Variants in EXOC2 observed in about 807,000 individuals in gnomAD.
EXOC2 encodes exocyst complex component 2.
Under a neutral mutation model 131.8 loss-of-function variants are expected in EXOC2, and 70 were observed. That is an observed-to-expected ratio of 0.53 (90% confidence interval 0.44 to 0.65). EXOC2 has a LOEUF of 0.65. Among genes scored for constraint, EXOC2 ranks in the 30% least tolerant of loss-of-function variants. EXOC2 has a pLI of 0.00. For missense variants in EXOC2, 923 were observed against 1,108.6 expected, an observed-to-expected ratio of 0.83 and a Z score of 2.38; for synonymous variants, 411 against 398.4, an observed-to-expected ratio of 1.03 and a Z score of -0.38.
At chr6:547,947 A>G (rs1449503615) in intron 22 of EXOC2, among the ~76,000 whole-genome samples, 2 of 152,178 alleles carry the variant, frequency 1.3e-5, no homozygotes, top group African/African-American at 4.8e-5. Flanking sequence ...CCTAGAGAAA[A>G]CCAAACTTGC....
chr6:507,558 GA>G (rs1489317121), intron 23 of EXOC2, among the ~76,000 whole-genome samples: 2 of 152,156 alleles, frequency 1.3e-5, no homozygotes, highest in African/African-American at 4.8e-5. Context: ...ATGAGAAAGA[GA>G]GGGCTTTTGC....
At chr6:552,880 C>G (rs59891300) in intron 21 of EXOC2, among the ~76,000 whole-genome samples, 2 of 150,726 alleles carry the variant, frequency 1.3e-5, no homozygotes, top group Admixed American at 6.6e-5. Context: ...ACACACACAC[C>G]CCCCCTTCAA....
intron 7 of EXOC2, 135 bp downstream of exon 7, chr6:609,963 A>G: frequency 3.1e-6 from 2 of 644,544 alleles, no homozygotes; most frequent in South Asian, 2.1e-5. Flanking sequence ...CTTTGTGTTC[A>G]TTAAATCACT....
chr6:555,044 AT>A (rs770839253), intron 20 of EXOC2, among the ~76,000 whole-genome samples, 182 bp downstream of exon 20: 5 of 152,214 alleles, frequency 3.3e-5, no homozygotes, highest in African/African-American at 7.2e-5. Context: ...TAAGGCAAAG[AT>A]GAGTTGAAAA....
chr6:561,272 T>C (rs1230733177), intron 17 of EXOC2, among the ~76,000 whole-genome samples: 2 of 152,158 alleles, frequency 1.3e-5, no homozygotes, highest in Non-Finnish European at 2.9e-5. Flanking sequence ...CTGCCCTTCA[T>C]GCCCCAGGTT....
intron 22 of EXOC2, among the ~76,000 whole-genome samples, chr6:536,530 TC>T (rs1766455476): frequency 6.6e-6 from 1 of 152,130 alleles, no homozygotes; most frequent in African/African-American, 2.4e-5. Context: ...AAAGGCCTTT[TC>T]TTGGTAAAAA....
intron 21 of EXOC2, among the ~76,000 whole-genome samples, chr6:553,351 T>C (rs903631549): frequency 6.6e-6 from 1 of 151,830 alleles, no homozygotes; most frequent in African/African-American, 2.4e-5. Flanking sequence ...TATATACATA[T>C]GTATATATGC....
chr6:650,931 T>G (rs1439686757), intron 1 of EXOC2, among the ~76,000 whole-genome samples: 1 of 152,160 alleles, frequency 6.6e-6, no homozygotes, highest in Non-Finnish European at 1.5e-5. Context: ...AGGAAAAAAT[T>G]TGGAAGAGAT....
intron 23 of EXOC2, among the ~76,000 whole-genome samples, chr6:522,362 C>G (rs948357043): frequency 2.2e-5 from 3 of 134,460 alleles, no homozygotes; most frequent in Non-Finnish European, 4.7e-5. Context: ...CTCAGCCAGG[C>G]CCATGCGGAC....
chr6:509,137 A>G (rs1347756481), intron 23 of EXOC2, among the ~76,000 whole-genome samples: 2 of 152,218 alleles, frequency 1.3e-5, no homozygotes, highest in Non-Finnish European at 2.9e-5. Context: ...TCTTCAGTGC[A>G]TACGTATCTA....
intron 11 of EXOC2, among the ~76,000 whole-genome samples, chr6:583,463 T>C (rs1214870972): frequency 6.6e-6 from 1 of 152,128 alleles, no homozygotes; most frequent in Admixed American, 6.5e-5. Context: ...CATTGTAAGG[T>C]GAATAGAATC....
At chr6:510,695 G>A (rs1034264869) in intron 23 of EXOC2, among the ~76,000 whole-genome samples, 3 of 152,154 alleles carry the variant, frequency 2.0e-5, no homozygotes, top group African/African-American at 7.2e-5. Context: ...AGATGTCACA[G>A]AACTCATTAC....
At chr6:672,777 T>C (rs557360189) in intron 1 of EXOC2, among the ~76,000 whole-genome samples, 1 of 152,216 alleles carries the variant, frequency 6.6e-6, no homozygotes, top group Non-Finnish European at 1.5e-5. Context: ...TTTTCCTTAT[T>C]GTGAGGATTC....
At chr6:687,850 A>C (rs549705541) in intron 1 of EXOC2, among the ~76,000 whole-genome samples, 2 of 152,224 alleles carry the variant, frequency 1.3e-5, no homozygotes, top group Non-Finnish European at 2.9e-5. Flanking sequence ...TGAAAAAGAG[A>C]GGAATTTTAA....
chr6:501,223 CTATATATATTATATATATCTA>C (rs1764099122), intron 23 of EXOC2, among the ~76,000 whole-genome samples: 4 of 12,386 alleles, frequency 3.2e-4, no homozygotes, highest in Non-Finnish European at 7.1e-4. Context: ...TTATATATAT[CTATATATATTATATATATCTA>C]TATATATTAT....
At chr6:608,219 C>G (rs3799317) in intron 7 of EXOC2, among the ~76,000 whole-genome samples, 1 of 152,218 alleles carries the variant, frequency 6.6e-6, no homozygotes, top group African/African-American at 2.4e-5. Flanking sequence ...ACTACGAACC[C>G]GCCTGGGCGG....
chr6:511,282 C>T (rs969200319), intron 23 of EXOC2, among the ~76,000 whole-genome samples: 2 of 152,192 alleles, frequency 1.3e-5, no homozygotes, highest in African/African-American at 2.4e-5. Flanking sequence ...TAGGGTATAG[C>T]TCCTATTCTC....
At chr6:601,200 T>G (rs1766843) in intron 7 of EXOC2, among the ~76,000 whole-genome samples, 9,155 of 144,310 alleles carry the variant, frequency 0.063, 605 homozygotes, top group African/African-American at 0.16. Context: ...TAAAATCCCC[T>G]TGTGCGAATC....
At chr6:554,534 T>C (rs1378274426) in intron 20 of EXOC2, among the ~76,000 whole-genome samples, 2 of 152,130 alleles carry the variant, frequency 1.3e-5, no homozygotes, top group Non-Finnish European at 2.9e-5. Flanking sequence ...AAAAACTTAT[T>C]GGGTCTCTAG....
Sources: allele counts gnomAD v4.1 joint callset (sites outside exome capture counted in the v4.1 genomes callset), GRCh38; gene constraint gnomAD v4.1.1; transcripts MANE v1.5; gene names NCBI Gene and HGNC (gene_info 2026-07-23, HGNC 2026-07-21).